The following KLC4 variants were observed in gnomAD, a reference collection of about 807,000 sequenced individuals.
KLC4 encodes kinesin-like protein 8.
Under a neutral mutation model 77.2 loss-of-function variants are expected in KLC4, and 49 were observed. The ratio of observed to expected loss-of-function variants is 0.63; its 90% CI spans 0.50 to 0.80. KLC4 has a LOEUF of 0.80. KLC4 is among the 30% of genes least tolerant of loss of function. The pLI, the probability that KLC4 is intolerant of heterozygous loss-of-function variation, is 0.00. For synonymous variants in KLC4, 274 were observed against 314.5 expected (o/e 0.87, Z 1.36); for missense variants, 669 against 793.5 (o/e 0.84, Z 1.89).
chr6:43,060,464 C>G, intron 1 of KLC4: 2 of 1,396,334 alleles, frequency 1.4e-6, no homozygotes, highest in South Asian at 2.9e-5. Context: ...CTCTGGGTAG[C>G]TGTGAAGTGG....
intron 1 of KLC4, chr6:43,060,126 C>A (rs1034020638): frequency 1.9e-6 from 3 of 1,586,158 alleles, no homozygotes; most frequent in African/African-American, 2.7e-5. Flanking sequence ...CCCATTCTTT[C>A]CTGCATCATC....
Position 43,063,073 on chromosome 6 carries a change from C to T in KLC4, c.415C>T (p.Gln139Ter). 6.2e-7 allele frequency: 1 copy of T among 1,614,226 alleles called. No individual in the cohort carries two copies. ...ACAGCGCAGTGAACAGGCTGTGGCT[C>T]AGCTGGAGGAGGAAAAGAAGCACCT... The part of the protein sequence containing the change: ...RLQRSEQAVA[Q>*]LEEEKKHLEF... The change falls in exon 3 of 16, where the codon CAG (glutamine) becomes TAG (stop). Residue 139 changes from glutamine (Q) to a stop codon, truncating the protein, a stop_gained. Transcript: ENST00000347162. LOFTEE classifies it high-confidence loss of function.
chr6:43,066,561 C>T, intron 5 of KLC4, 36 bp downstream of exon 5: 1 of 1,553,030 alleles, frequency 6.4e-7, no homozygotes, highest in Non-Finnish European at 8.9e-7. Flanking sequence ...CAGATCTTCC[C>T]CCACATTCCC....
intron 12 of KLC4, 50 bp from the exon 13 acceptor site, chr6:43,072,774 C>T (rs1765793485): frequency 6.3e-7 from 1 of 1,593,894 alleles, no homozygotes; most frequent in Non-Finnish European, 8.5e-7. Flanking sequence ...AAAGCCCCAT[C>T]CTGAGGAGTT....
At chr6:43,072,672 T>C (rs1024749598) in intron 12 of KLC4, 152 bp from the exon 13 acceptor site, 1 of 681,042 alleles carries the variant, frequency 1.5e-6, no homozygotes, top group Non-Finnish European at 2.5e-6. Context: ...GCATTGCAAA[T>C]AGAAAAGGTA....
Position 43,074,945 on chromosome 6 carries a change from G to T in KLC4, c.*273G>T. ...GTACAAAGCAGGTATGGCCCTCAGA[G>T]ATGCAGCCTGCTGCTGGCTTTTCAG... On this transcript the variant is annotated 3_prime_UTR_variant, in exon 16 of 16. Transcript: ENST00000347162. 1 of 448,188 alleles carries T rather than the reference G, an allele frequency of 2.2e-6. No individual in the cohort carries two copies. Among genetic ancestry groups the T allele is most frequent in the South Asian group, 3.2e-5 (1 of 31,522 alleles). The allele number at this position is 448,188 out of a possible 1,614,324, so 27.8% of individuals were successfully genotyped here. A position where few individuals can be genotyped will look rare whatever the true frequency, so the allele number is the denominator to read the frequency against.
At chr6:43,061,710 A>T (rs1245455587) in intron 2 of KLC4, 117 bp downstream of exon 2, 1 of 1,029,588 alleles carries the variant, frequency 9.7e-7, no homozygotes, top group Non-Finnish European at 1.4e-6. Context: ...TCATTCATTA[A>T]ATATGTATTA....
At chr6:43,069,447 G>T (rs931505037) in intron 6 of KLC4, among the ~76,000 whole-genome samples, 1 of 152,150 alleles carries the variant, frequency 6.6e-6, no homozygotes, top group Admixed American at 6.5e-5. Context: ...TTTTCACCAT[G>T]TTGGTCAGGC....
At position 43,061,368 on chromosome 6, in the gene KLC4, G is replaced by A; in HGVS notation, c.33G>A (p.Glu11=). 1 of 1,613,822 alleles carries A rather than the reference G, an allele frequency of 6.2e-7. No homozygotes were observed. Among genetic ancestry groups the A allele is most frequent in the Admixed American group, 1.7e-5 (1 of 60,034 alleles). Residue 11 remains glutamate (E), a synonymous_variant, in exon 2 of 16, where the codon GAG becomes GAA. Transcript: ENST00000347162. MSGLVLGQRD[E]PAGHRLSQEE... is the part of the protein sequence containing the mutation. ...GCCTGGTGTTGGGGCAGCGGGATGAGCCTGCAGGCCACCGGCTCAGCCAAG... is the reference window on the plus strand; with the variant it reads ...GCCTGGTGTTGGGGCAGCGGGATGAACCTGCAGGCCACCGGCTCAGCCAAG...
At chr6:43,073,592 A>G (rs987203936) in intron 14 of KLC4, 4 of 530,338 alleles carry the variant, frequency 7.5e-6, no homozygotes, top group Non-Finnish European at 1.0e-5. Flanking sequence ...GGTTGCAGGG[A>G]GCCAAGATCA....
rs552149296 is a variant in KLC4 at position 43,070,703 on chromosome 6, G to A, written c.993G>A (p.Thr331=). 9 of 1,612,242 alleles carry A rather than the reference G, an allele frequency of 5.6e-6. No homozygotes were observed. Among genetic ancestry groups the A allele is most frequent in the African/African-American group, 4.0e-5 (3 of 74,886 alleles). ...ALEIREKVLG[T]NHPDVAKQLN... is the part of the protein sequence containing the mutation. ...TTGTTCCCTTTCAGGTCCTGGGCAC[G>A]AATCATCCAGATGTGGCAAAACAGC... is the stretch of plus-strand genomic sequence containing the variant. Residue 331 remains threonine, a synonymous_variant, in exon 8 of 16, where the codon ACG becomes ACA. Transcript: ENST00000347162.
At chr6:43,066,263 G>C (rs753970720) in intron 4 of KLC4, 43 bp from the exon 5 acceptor site, 1 of 1,534,860 alleles carries the variant, frequency 6.5e-7, no homozygotes, top group South Asian at 1.1e-5. Flanking sequence ...AGACAGCAAA[G>C]GGGAGAGGAA....
intron 12 of KLC4, 54 bp downstream of exon 12, chr6:43,072,309 A>G: frequency 7.3e-7 from 1 of 1,369,990 alleles, no homozygotes; most frequent in South Asian, 1.2e-5. Context: ...TGGGGATGAG[A>G]GAGTGCCGAG....
Position 43,071,586 on chromosome 6 carries a change from G to A in KLC4, c.1275G>A (p.Trp425Ter). ...GSVDDDHKPI[W>*]MHAEEREEMS... ...CCCTAGATGACCACAAGCCCATCTG[G>A]ATGCATGCAGAGGAGCGGGAGGAAA... The change falls in exon 10 of 16, where the codon TGG becomes TGA. Residue 425 changes from tryptophan to a stop codon, truncating the protein, a stop_gained. Transcript: ENST00000347162. LOFTEE classifies it high-confidence loss of function. The A allele has an allele frequency of 6.2e-7, 1 of 1,613,784 alleles. No homozygotes were observed. Among genetic ancestry groups the A allele is most frequent in the Non-Finnish European group, 8.5e-7 (1 of 1,179,966 alleles).
rs1352548676 is a variant in KLC4, at chr6:43,070,338, A to G, written c.880-16A>G. ...TGCAACCCAAATGTCTGATGGGGACAGGCCTGTCTTCATAGGTGGCTGCCA... is the reference window on the plus strand; with the variant it reads ...TGCAACCCAAATGTCTGATGGGGACGGGCCTGTCTTCATAGGTGGCTGCCA... On this transcript the variant is annotated splice_polypyrimidine_tract_variant and intron_variant, in intron 6 of 15. Transcript: ENST00000347162. The G allele has an allele frequency of 6.3e-7, 1 of 1,589,690 alleles. No homozygotes were observed. The highest frequency in any genetic ancestry group is 1.7e-5 in the Admixed American group (1 of 59,946).
intron 11 of KLC4, 61 bp downstream of exon 11, chr6:43,071,983 A>C: frequency 6.6e-7 from 1 of 1,518,418 alleles, no homozygotes; most frequent in Non-Finnish European, 9.0e-7. Flanking sequence ...CCCTGCTCCC[A>C]GCCTCCCAGA....
chr6:43,060,131 A>G lies in KLC4; in HGVS notation c.-26+446A>G, dbSNP rs1017154443. The G allele has an allele frequency of 4.4e-6, 7 of 1,590,300 alleles. No homozygotes were observed. The African/African-American group carries it at 6.7e-5, about 15-fold the overall frequency. ...CAGCAGACCTCCCATTCTTTCCTGC[A>G]TCATCGGGCATTGTGGAGGCACCCT... is the stretch of plus-strand genomic sequence containing the variant. On this transcript the variant is annotated intron_variant, in intron 1 of 15. Coordinates refer to ENST00000347162, the MANE Select transcript of KLC4 (RefSeq NM_201521.3).
At chr6:43,063,266 G>T in intron 3 of KLC4, 119 bp downstream of exon 3, 1 of 715,918 alleles carries the variant, frequency 1.4e-6, no homozygotes. Flanking sequence ...GCTCTCACCT[G>T]AAAGAATTCC....
intron 6 of KLC4, among the ~76,000 whole-genome samples, chr6:43,067,663 C>T (rs1010017970): frequency 6.0e-5 from 9 of 150,160 alleles, no homozygotes; most frequent in Non-Finnish European, 1.2e-4. Flanking sequence ...GGCGTGGTGG[C>T]GGGCGCCTGT....
Sources: allele counts gnomAD v4.1 joint callset (sites outside exome capture counted in the v4.1 genomes callset), GRCh38; gene constraint gnomAD v4.1.1; transcripts MANE v1.5; gene names NCBI Gene and HGNC (gene_info 2026-07-23, HGNC 2026-07-21).